Variants in PDE11A observed in about 807,000 individuals in gnomAD.
The protein encoded by PDE11A is phosphodiesterase 11A.
Under a neutral mutation model 100.5 loss-of-function variants are expected in PDE11A, and 100 were observed. The observed-to-expected ratio is 1.00, with a 90% CI of 0.85 to 1.18. The LOEUF (loss-of-function observed/expected upper bound fraction) is 1.18. PDE11A is among the 50% of genes most tolerant of loss of function. PDE11A has a pLI of 0.00. For synonymous variants in PDE11A, 381 were observed against 420.8 expected (o/e 0.91, Z 1.16); for missense variants, 1,141 against 1,152.6 (o/e 0.99, Z 0.15).
Position 177,775,586 on chromosome 2 carries a change from G to A in PDE11A, c.1738-6213C>T, listed in dbSNP as rs116099568. On this transcript the variant is annotated intron_variant, in intron 9 of 19. Coordinates refer to ENST00000286063, the MANE Select transcript of PDE11A (RefSeq NM_016953.4). ...TCCTGCACCATCTGACTGTTGGCAC[G>A]TTCTCAAACTAAACTTCGTGCTGCC... Among the ~76,000 whole-genome samples, 1,029 of 152,266 alleles carry A rather than the reference G, an allele frequency of 6.8e-3. 18 individuals are homozygous for A. Among genetic ancestry groups the A allele is most frequent in the African/African-American group, 0.023 (959 of 41,546 alleles).
intron 7 of PDE11A, 72 bp downstream of exon 7, chr2:177,820,148 G>C (rs771159843): frequency 7.5e-6 from 6 of 800,294 alleles, no homozygotes; most frequent in Non-Finnish European, 1.1e-5. Flanking sequence ...ACATAAAAAA[G>C]ATATGGGAAT....
At chr2:178,006,356 C>T (rs1462944286) in intron 2 of PDE11A, among the ~76,000 whole-genome samples, 1 of 152,072 alleles carries the variant, frequency 6.6e-6, no homozygotes, top group African/African-American at 2.4e-5. Context: ...ATGAGAATTC[C>T]ATGCAATTAG....
chr2:177,637,415 G>A (rs73977685), intron 19 of PDE11A, among the ~76,000 whole-genome samples: 5,399 of 152,200 alleles, frequency 0.035, 312 homozygotes, highest in African/African-American at 0.12. Flanking sequence ...CCTTAGGCAT[G>A]CCTGTAGCAC....
chr2:177,727,419 A>T (rs533272568), intron 12 of PDE11A, among the ~76,000 whole-genome samples: 3 of 152,264 alleles, frequency 2.0e-5, no homozygotes, highest in East Asian at 3.9e-4. Flanking sequence ...CCAAGAAAAA[A>T]TACTGAACAG....
intron 13 of PDE11A, among the ~76,000 whole-genome samples, chr2:177,711,495 A>G (rs1206834825): frequency 6.6e-6 from 1 of 152,200 alleles, no homozygotes; most frequent in East Asian, 1.9e-4. Flanking sequence ...TTCTGGGAGG[A>G]AAAAAGTAGA....
chr2:177,895,628 A>G (rs1193377694), intron 4 of PDE11A, among the ~76,000 whole-genome samples: 1 of 152,194 alleles, frequency 6.6e-6, no homozygotes, highest in Non-Finnish European at 1.5e-5. Context: ...ATTAGCTTGA[A>G]GGATGTTAAG....
intron 2 of PDE11A, among the ~76,000 whole-genome samples, chr2:177,906,930 G>A (rs187993426): frequency 3.9e-5 from 6 of 152,218 alleles, no homozygotes; most frequent in Admixed American, 6.5e-5. Context: ...TGACTATAAC[G>A]GGGATAAAAG....
At chr2:177,821,361 G>A (rs901078315) in intron 6 of PDE11A, among the ~76,000 whole-genome samples, 5 of 151,288 alleles carry the variant, frequency 3.3e-5, no homozygotes, top group Non-Finnish European at 7.4e-5. Context: ...TTTACAAAAT[G>A]AACAGATCTA....
rs569369985 is a variant in PDE11A, at chr2:178,039,744, T to C, written c.913-25284A>G. ...TCAATAGTAGAATGATAAATTGTGA[T>C]ATATTTATACAAAGGAACATTATAC... On this transcript the variant is annotated intron_variant, in intron 1 of 19. Coordinates refer to ENST00000286063, the MANE Select transcript of PDE11A (RefSeq NM_016953.4). Among the ~76,000 whole-genome samples, 538 of 152,108 alleles carry C rather than the reference T, an allele frequency of 3.5e-3. 1 individual carries two copies. Among genetic ancestry groups the C allele is most frequent in the Non-Finnish European group, 6.1e-3 (414 of 67,998 alleles).
intron 10 of PDE11A, among the ~76,000 whole-genome samples, chr2:177,763,030 G>A (rs72949144): frequency 0.014 from 2,168 of 152,254 alleles, 27 homozygotes; most frequent in Middle Eastern, 0.024. Context: ...TTTTTCTGAT[G>A]TGGCATTTGA....
At chr2:177,678,076 A>G (rs2080806624) in intron 16 of PDE11A, 1 of 152,240 alleles carries the variant, frequency 6.6e-6, no homozygotes, top group Non-Finnish European at 1.5e-5. Flanking sequence ...TGCAGTTTGC[A>G]CTTATTTCAG....
At chr2:177,856,090 T>A (rs1439039702) in intron 5 of PDE11A, among the ~76,000 whole-genome samples, 1 of 152,018 alleles carries the variant, frequency 6.6e-6, no homozygotes, top group Admixed American at 6.6e-5. Flanking sequence ...CACATAGAGC[T>A]CCTCAGCAAA....
At chr2:178,025,629 T>G (rs2086469144) in intron 1 of PDE11A, among the ~76,000 whole-genome samples, 1 of 152,134 alleles carries the variant, frequency 6.6e-6, no homozygotes, top group African/African-American at 2.4e-5. Context: ...GCAACTGACG[T>G]AGTAAAAAAG....
At chr2:177,958,663 C>T (rs1388008123) in intron 2 of PDE11A, among the ~76,000 whole-genome samples, 1 of 152,168 alleles carries the variant, frequency 6.6e-6, no homozygotes, top group Non-Finnish European at 1.5e-5. Context: ...GTGAATTTCA[C>T]CAGAATCAAG....
intron 4 of PDE11A, among the ~76,000 whole-genome samples, chr2:177,876,384 G>A (rs930952167): frequency 1.3e-5 from 2 of 148,492 alleles, no homozygotes; most frequent in African/African-American, 5.1e-5. Context: ...GGTGAGCTTC[G>A]TGGTACCACC....
At chr2:177,808,545 T>C (rs1373220393) in intron 9 of PDE11A, among the ~76,000 whole-genome samples, 2 of 152,212 alleles carry the variant, frequency 1.3e-5, no homozygotes, top group African/African-American at 4.8e-5. Flanking sequence ...CTCTGAATTG[T>C]GTAAGAAAAG....
intron 9 of PDE11A, among the ~76,000 whole-genome samples, chr2:177,778,918 G>A (rs1442153946): frequency 3.3e-5 from 5 of 151,794 alleles, no homozygotes; most frequent in Admixed American, 2.0e-4. Flanking sequence ...CTTCAGAATC[G>A]ATCATAAAAA....
chr2:177,860,799 T>C (rs574058956), intron 5 of PDE11A, among the ~76,000 whole-genome samples: 2 of 151,814 alleles, frequency 1.3e-5, no homozygotes, highest in East Asian at 1.9e-4. Flanking sequence ...AAAATCAATA[T>C]ATATAATATA....
chr2:177,745,823 G>C (rs1172394632), intron 10 of PDE11A, among the ~76,000 whole-genome samples: 2 of 152,238 alleles, frequency 1.3e-5, no homozygotes, highest in Admixed American at 6.5e-5. Context: ...GGCGGGCTGA[G>C]TCCTCCTCCA....
Sources: gnomAD v4.1 joint callset for allele counts (sites outside exome capture counted in the v4.1 genomes callset) on GRCh38, gnomAD v4.1.1 for gene constraint, MANE v1.5 for transcripts, NCBI Gene and HGNC (gene_info 2026-07-23, HGNC 2026-07-21) for gene names.